Variants in CNTLN observed in about 807,000 individuals in gnomAD.
CNTLN encodes the protein centlein, centrosomal protein.
A neutral mutation model predicts 180.0 loss-of-function variants in CNTLN; 212 were observed. The observed-to-expected ratio is 1.18, with a 90% CI of 1.05 to 1.32. The LOEUF is 1.32. Among genes scored for constraint, CNTLN ranks in the 40% most tolerant of loss-of-function variants. The pLI is 0.00. For synonymous variants in CNTLN, 722 were observed against 563.1 expected (o/e 1.28, Z -3.99); for missense variants, 2,095 against 1,610.9 (o/e 1.30, Z -5.14).
intron 2 of CNTLN, among the ~76,000 whole-genome samples, chr9:17,177,270 G>T (rs142388362): frequency 6.6e-6 from 1 of 152,168 alleles, no homozygotes; most frequent in Admixed American, 6.5e-5. Context: ...TTAGCCTGGC[G>T]TGGTGGCAGG....
At chr9:17,218,736 A>T (rs1196297013) in intron 2 of CNTLN, among the ~76,000 whole-genome samples, 1 of 152,192 alleles carries the variant, frequency 6.6e-6, no homozygotes, top group Non-Finnish European at 1.5e-5. Flanking sequence ...ATCAAAAATA[A>T]CCAACTTCAG....
intron 7 of CNTLN, 46 bp downstream of exon 7, chr9:17,298,398 C>G (rs1291101326): frequency 4.1e-6 from 6 of 1,457,692 alleles, no homozygotes; most frequent in Non-Finnish European, 3.6e-6. Flanking sequence ...TATGTATGAA[C>G]TTATGAACAT....
chr9:17,309,668 C>A (rs1818988203), intron 8 of CNTLN, among the ~76,000 whole-genome samples: 1 of 44,856 alleles, frequency 2.2e-5, no homozygotes, highest in African/African-American at 6.2e-5. Context: ...CTACCACTAC[C>A]TTGATAACAT....
At chr9:17,279,971 C>G (rs1828565606) in intron 6 of CNTLN, among the ~76,000 whole-genome samples, 1 of 152,074 alleles carries the variant, frequency 6.6e-6, no homozygotes, top group Non-Finnish European at 1.5e-5. Context: ...GCTTCTTTGC[C>G]ATGTGATGTC....
chr9:17,339,829 T>C (rs968760623), intron 10 of CNTLN, among the ~76,000 whole-genome samples: 11 of 152,238 alleles, frequency 7.2e-5, no homozygotes, highest in African/African-American at 2.4e-4. Flanking sequence ...TATCTAAAAA[T>C]GAAAATTGAT....
chr9:17,189,534 A>G (rs564939912), intron 2 of CNTLN, among the ~76,000 whole-genome samples: 5 of 150,140 alleles, frequency 3.3e-5, no homozygotes, highest in African/African-American at 1.2e-4. Flanking sequence ...CCCAGGCTGG[A>G]GTGCAGTGGC....
chr9:17,293,673 C>T (rs1817575057), intron 6 of CNTLN, among the ~76,000 whole-genome samples: 1 of 152,206 alleles, frequency 6.6e-6, no homozygotes, highest in Non-Finnish European at 1.5e-5. Flanking sequence ...TGATGGCTGC[C>T]ACCCCTTGCC....
Position 17,430,944 on chromosome 9 carries a change from A to G in CNTLN, c.3114+14755A>G, listed in dbSNP as rs141100485. Among the ~76,000 whole-genome samples the G allele has an allele frequency of 3.6e-4, 55 of 152,210 alleles. 1 individual carries two copies. Among genetic ancestry groups the G allele is most frequent in the African/African-American group, 1.3e-3 (52 of 41,546 alleles). On this transcript the variant is annotated intron_variant, in intron 18 of 25. Transcript: ENST00000380647. ...TATATATATCACATTTTCTTTATCC[A>G]TTCATCTGTTGTTGGATAACTAGAT...
At chr9:17,275,703 A>G (rs922661282) in intron 6 of CNTLN, among the ~76,000 whole-genome samples, 1 of 152,130 alleles carries the variant, frequency 6.6e-6, no homozygotes, top group Non-Finnish European at 1.5e-5. Context: ...GAGTTTGTAT[A>G]TTTAAATTTA....
At chr9:17,358,267 T>C (rs1823008901) in intron 12 of CNTLN, among the ~76,000 whole-genome samples, 1 of 152,076 alleles carries the variant, frequency 6.6e-6, no homozygotes, top group African/African-American at 2.4e-5. Context: ...TTAATATAAT[T>C]TGATACTCTA....
At position 17,236,492 on chromosome 9, in the gene CNTLN, T is replaced by C; in HGVS notation, c.753T>C (p.Ser251=). 6.2e-7 allele frequency: 1 copy of C among 1,613,576 alleles called. No individual in the cohort carries two copies. The highest frequency in any genetic ancestry group is 1.1e-5 in the South Asian group (1 of 91,050). The change falls in exon 5 of 26, where the codon AGT becomes AGC. Residue 251 remains serine, a synonymous_variant. Coordinates refer to ENST00000380647, the MANE Select transcript of CNTLN (RefSeq NM_017738.4). The stretch of plus-strand genomic sequence containing the variant: ...TGGAGGAGGAAAACAAGAAATTAAG[T>C]ACCCGCTGCACTGACCTGCTAAATG... ...KNLEEENKKL[S]TRCTDLLNDL...
At chr9:17,234,126 A>G (rs1341504758) in intron 3 of CNTLN, among the ~76,000 whole-genome samples, 2 of 152,186 alleles carry the variant, frequency 1.3e-5, no homozygotes, top group African/African-American at 4.8e-5. Context: ...AACTATAAGT[A>G]AAATAAAATC....
At chr9:17,291,222 C>T (rs1047716377) in intron 6 of CNTLN, among the ~76,000 whole-genome samples, 7 of 152,128 alleles carry the variant, frequency 4.6e-5, no homozygotes, top group African/African-American at 7.2e-5. Context: ...CTCCCAAGTA[C>T]GTGACTGATT....
chr9:17,294,371 C>G (rs549062097), intron 6 of CNTLN, among the ~76,000 whole-genome samples: 23 of 152,034 alleles, frequency 1.5e-4, no homozygotes, highest in Middle Eastern at 3.4e-3. Context: ...TCCATTTTGA[C>G]AGGGTGCTGA....
intron 2 of CNTLN, among the ~76,000 whole-genome samples, chr9:17,214,461 G>A (rs926107662): frequency 9.9e-5 from 15 of 152,178 alleles, no homozygotes; most frequent in Admixed American, 5.2e-4. Context: ...TGGGTAACCC[G>A]ACCTTTCTCT....
At chr9:17,492,285 C>G (rs1427977766) in intron 25 of CNTLN, among the ~76,000 whole-genome samples, 1 of 151,352 alleles carries the variant, frequency 6.6e-6, no homozygotes, top group Non-Finnish European at 1.5e-5. Flanking sequence ...TTCTTTCTTT[C>G]TTATTTTATT....
rs7031857 is a variant in CNTLN at position 17,333,978 on chromosome 9, G to A, written c.1644+1248G>A. ...AGGTAAGTAAGTAGTTAACTCTTGTGTTAATTGTAAATGTGTGGTTAGGCA... is the reference window on the plus strand; with the variant it reads ...AGGTAAGTAAGTAGTTAACTCTTGTATTAATTGTAAATGTGTGGTTAGGCA... On this transcript the variant is annotated intron_variant, in intron 10 of 25. Transcript: ENST00000380647. 6.9e-3 allele frequency among the ~76,000 whole-genome samples: 1,043 copies of A among 152,246 alleles called. 11 individuals are homozygous for A. Among genetic ancestry groups the A allele is most frequent in the African/African-American group, 0.023 (955 of 41,548 alleles).
At chr9:17,215,089 C>G (rs1323885796) in intron 2 of CNTLN, among the ~76,000 whole-genome samples, 1 of 152,224 alleles carries the variant, frequency 6.6e-6, no homozygotes, top group African/African-American at 2.4e-5. Flanking sequence ...TGTTCCGTTG[C>G]TGGCGAGGAG....
chr9:17,333,124 T>TA, intron 10 of CNTLN, among the ~76,000 whole-genome samples: 1 of 152,246 alleles, frequency 6.6e-6, no homozygotes, highest in South Asian at 2.1e-4. Flanking sequence ...TCAGATCACT[T>TA]ACAATTATCC....
Sources: gnomAD v4.1 joint callset for allele counts (sites outside exome capture counted in the v4.1 genomes callset) on GRCh38, gnomAD v4.1.1 for gene constraint, MANE v1.5 for transcripts, NCBI Gene and HGNC (gene_info 2026-07-23, HGNC 2026-07-21) for gene names.